The following ADCY5 variants were observed in gnomAD, a reference collection of about 807,000 sequenced individuals.
ADCY5 encodes the protein adenylate cyclase 5.
A neutral mutation model predicts 119.7 loss-of-function variants in ADCY5; 30 were observed. That is an observed-to-expected ratio of 0.25 (90% confidence interval 0.19 to 0.34). The LOEUF (loss-of-function observed/expected upper bound fraction) is 0.34. Among genes scored for constraint, ADCY5 ranks in the 10% least tolerant of loss-of-function variants. ADCY5 has a pLI of 1.00. For synonymous variants in ADCY5, 753 were observed against 762.2 expected (o/e 0.99, Z 0.20); for missense variants, 1,324 against 1,775.2 (o/e 0.75, Z 4.57).
chr3:123,372,015 T>A (rs1431915552), intron 1 of ADCY5, among the ~76,000 whole-genome samples: 1 of 152,162 alleles, frequency 6.6e-6, no homozygotes, highest in Non-Finnish European at 1.5e-5. Context: ...GCTGGGCCAT[T>A]ATGCAGAACC....
intron 1 of ADCY5, among the ~76,000 whole-genome samples, chr3:123,436,364 C>A (rs375539562): frequency 1.3e-5 from 2 of 151,950 alleles, no homozygotes; most frequent in African/African-American, 4.8e-5. Flanking sequence ...CAGAGTAAGA[C>A]CTTGTCTCAA....
At chr3:123,297,424 T>C (rs776893614) in intron 15 of ADCY5, 42 bp from the exon 16 acceptor site, 7 of 1,606,856 alleles carry the variant, frequency 4.4e-6, no homozygotes, top group Non-Finnish European at 6.0e-6. Flanking sequence ...GCCACCCTTC[T>C]GCATAAGGCG....
chr3:123,433,825 G>C (rs1194427210), intron 1 of ADCY5, among the ~76,000 whole-genome samples: 1 of 152,132 alleles, frequency 6.6e-6, no homozygotes, highest in African/African-American at 2.4e-5. Flanking sequence ...CCCCAGAGCT[G>C]AGCAGTTGTA....
rs376432769 is a variant in ADCY5, at chr3:123,314,143, GC to G, written c.2442+91del. 1.1e-4 allele frequency: 110 copies of G among 976,484 alleles called. 1 individual carries two copies. In the African/African-American group the frequency reaches 1.4e-3, roughly 12 times the overall value. The allele number at this position is 976,484 out of a possible 1,614,324, so 60.5% of individuals were successfully genotyped here. On this transcript the variant is annotated intron_variant, in intron 12 of 20. Coordinates refer to ENST00000462833, the MANE Select transcript of ADCY5 (RefSeq NM_183357.3). The stretch of plus-strand genomic sequence containing the variant: ...CACCCCTGCCAAGCACAATACTCGG[GC>G]CCCTTCACATTTTGGGCCCCTGGGT...
At chr3:123,301,854 G>C (rs966940351) in intron 14 of ADCY5, among the ~76,000 whole-genome samples, 1 of 152,144 alleles carries the variant, frequency 6.6e-6, no homozygotes, top group African/African-American at 2.4e-5. Context: ...GGGGAGGCTA[G>C]GAAGGGGAGG....
chr3:123,444,162 T>G (rs933690211), intron 1 of ADCY5, among the ~76,000 whole-genome samples: 4 of 152,132 alleles, frequency 2.6e-5, no homozygotes, highest in African/African-American at 9.7e-5. Flanking sequence ...AGGAATGTGT[T>G]TGGCAGATGC....
intron 1 of ADCY5, among the ~76,000 whole-genome samples, chr3:123,432,678 C>T (rs762018054): frequency 2.0e-5 from 3 of 152,108 alleles, no homozygotes; most frequent in African/African-American, 4.8e-5. Flanking sequence ...AGGTACATGC[C>T]ACCTTGCCTA....
chr3:123,398,972 G>A (rs953403422), intron 1 of ADCY5, among the ~76,000 whole-genome samples: 1 of 152,208 alleles, frequency 6.6e-6, no homozygotes, highest in Non-Finnish European at 1.5e-5. Context: ...GTTGGACTGG[G>A]AGCTCCCATA....
At chr3:123,303,828 A>G (rs1940002820) in intron 13 of ADCY5, among the ~76,000 whole-genome samples, 1 of 123,946 alleles carries the variant, frequency 8.1e-6, no homozygotes, top group Admixed American at 8.8e-5. Context: ...CTGTCTCAAA[A>G]CTGGAAAGAA....
chr3:123,424,678 G>GCTTCTC (rs1253236790), intron 1 of ADCY5, among the ~76,000 whole-genome samples: 1 of 152,122 alleles, frequency 6.6e-6, no homozygotes, highest in Non-Finnish European at 1.5e-5. Context: ...CCTCCTGATG[G>GCTTCTC]CTTCTCCTTC....
chr3:123,286,601 G>C lies in ADCY5; in HGVS notation c.3657+84C>G. On this transcript the variant is annotated intron_variant, in intron 20 of 20. Coordinates refer to ENST00000462833, the MANE Select transcript of ADCY5 (RefSeq NM_183357.3). This position sits in a 1 kb window ranked among gnomAD's most constrained non-coding sequence, Gnocchi z 4.2. ...GCTGCAGACATTCTGACTGGGAACT[G>C]TAGGTGGCCTGCCCTGAAGACCTCT... The C allele has an allele frequency of 6.7e-7, 1 of 1,488,678 alleles. No homozygotes were observed. The highest frequency in any genetic ancestry group is 2.3e-5 in the Admixed American group (1 of 42,916). The allele number at this position is 1,488,678 out of a possible 1,614,324, so 92.2% of individuals were successfully genotyped here.
chr3:123,368,163 G>A (rs1042776537), intron 1 of ADCY5: 23 of 803,916 alleles, frequency 2.9e-5, no homozygotes, highest in African/African-American at 5.3e-5. Flanking sequence ...ATCTGAATGC[G>A]CTCATCTCTA....
chr3:123,289,973 A>G lies in ADCY5; in HGVS notation c.3328-19T>C. ...TGATGATCTGGATGAAGGAGGCCAA[A>G]CCTGGGTCACCCCAAGCCTGGGACA... On this transcript the variant is annotated intron_variant, in intron 18 of 20. Coordinates refer to ENST00000462833, the MANE Select transcript of ADCY5 (RefSeq NM_183357.3). 6.2e-7 allele frequency: 1 copy of G among 1,612,928 alleles called. No homozygotes were observed. Among genetic ancestry groups the G allele is most frequent in the Non-Finnish European group, 8.5e-7 (1 of 1,179,410 alleles).
Position 123,319,372 on chromosome 3 carries a change from A to G in ADCY5, c.2256+302T>C, listed in dbSNP as rs374878031. ...CCGTCTCAAAAAAAAAAAAAATGAAAAAAGAAAAAAAAAAAGAAACTCATT... is the reference window on the plus strand; with the variant it reads ...CCGTCTCAAAAAAAAAAAAAATGAAGAAAGAAAAAAAAAAAGAAACTCATT... On this transcript the variant is annotated intron_variant, in intron 10 of 20. Coordinates refer to ENST00000462833, the MANE Select transcript of ADCY5 (RefSeq NM_183357.3). Among the ~76,000 whole-genome samples, 378 of 152,032 alleles carry G rather than the reference A, an allele frequency of 2.5e-3. 4 individuals carry two copies. Among genetic ancestry groups the G allele is most frequent in the African/African-American group, 8.4e-3 (350 of 41,460 alleles).
At chr3:123,295,174 G>A (rs1052775905) in intron 17 of ADCY5, among the ~76,000 whole-genome samples, 10 of 152,208 alleles carry the variant, frequency 6.6e-5, no homozygotes, top group Non-Finnish European at 1.3e-4. Context: ...AGCATCCAAC[G>A]AAAAGCAGGG....
In ADCY5 at chr3:123,303,123, C is replaced by G; in HGVS notation, c.2656G>C (p.Val886Leu). Residue 886 changes from valine (V) to leucine (L), a missense_variant, in exon 14 of 21, where the codon GTC (valine) becomes CTC (leucine). Coordinates refer to ENST00000462833, the MANE Select transcript of ADCY5 (RefSeq NM_183357.3). ...TGCTCATCGCCCAGGCTGTAGTTGA[C>G]GGCCGACTCCGCCACGTGACACGCG... The part of the protein sequence containing the change: ...VNACHVAESA[V>L]NYSLGDEQGF... 1.2e-6 allele frequency: 2 copies of G among 1,613,862 alleles called. No homozygotes were observed. The highest frequency in any genetic ancestry group is 2.2e-5 in the South Asian group (2 of 91,078).
intron 2 of ADCY5, among the ~76,000 whole-genome samples, chr3:123,351,788 C>T (rs1942846664): frequency 6.6e-6 from 1 of 152,238 alleles, no homozygotes; most frequent in Admixed American, 6.5e-5. Context: ...GCCCTCAGCC[C>T]TGCTCCCACC....
intron 3 of ADCY5, among the ~76,000 whole-genome samples, chr3:123,345,284 G>A (rs746642702): frequency 1.3e-5 from 2 of 152,250 alleles, no homozygotes; most frequent in South Asian, 2.1e-4. Context: ...GAACTGGGCC[G>A]AGGCGCAGGG....
At chr3:123,328,579 C>T in intron 6 of ADCY5, 65 bp downstream of exon 6, 2 of 1,572,402 alleles carry the variant, frequency 1.3e-6, no homozygotes, top group Non-Finnish European at 1.7e-6. Context: ...GCAGGATGGT[C>T]ACCCTGGGTG....
Sources: allele counts gnomAD v4.1 joint callset (sites outside exome capture counted in the v4.1 genomes callset), GRCh38; gene constraint gnomAD v4.1.1; non-coding constraint Gnocchi (gnomAD v3.1); transcripts MANE v1.5; gene names NCBI Gene and HGNC (gene_info 2026-07-23, HGNC 2026-07-21).